Variants in DDX31 observed in about 807,000 individuals in gnomAD.
DDX31 encodes ATP-dependent DNA helicase DDX31.
DDX31 carries 70 observed loss-of-function variants against 91.3 expected under a neutral mutation model. That is an observed-to-expected ratio of 0.77 (90% CI 0.63 to 0.94). DDX31 has a LOEUF of 0.94. Ranked by LOEUF, DDX31 falls within the 40% of genes least tolerant of loss-of-function variation. The pLI is 0.00. For synonymous variants in DDX31, 362 were observed against 350.6 expected, an observed-to-expected ratio of 1.03 and a Z score of -0.36; for missense variants, 902 against 925.0, an observed-to-expected ratio of 0.98 and a Z score of 0.32.
At chr9:132,607,893 G>A (rs769733232) in intron 19 of DDX31, among the ~76,000 whole-genome samples, 2 of 152,122 alleles carry the variant, frequency 1.3e-5, no homozygotes, top group East Asian at 1.9e-4. Context: ...GAGTGGCAGC[G>A]AAATGAGAGA....
At chr9:132,623,128 T>C (rs1342882627) in intron 17 of DDX31, among the ~76,000 whole-genome samples, 1 of 142,606 alleles carries the variant, frequency 7.0e-6, no homozygotes, top group Non-Finnish European at 1.5e-5. Flanking sequence ...AGACTCCATC[T>C]CAAAAAAAAA....
At chr9:132,605,959 T>G (rs1455912308) in intron 19 of DDX31, among the ~76,000 whole-genome samples, 4 of 151,910 alleles carry the variant, frequency 2.6e-5, no homozygotes, top group Non-Finnish European at 5.9e-5. Flanking sequence ...GGAGACTGTT[T>G]CAGAGGTTCG....
intron 14 of DDX31, 132 bp from the exon 15 acceptor site, chr9:132,632,223 G>A (rs896346344): frequency 5.5e-5 from 11 of 199,222 alleles, no homozygotes; most frequent in Middle Eastern, 6.2e-4. Flanking sequence ...GGGCATACAC[G>A]TATATGCCCA....
At chr9:132,614,372 G>C (rs902844903) in intron 18 of DDX31, among the ~76,000 whole-genome samples, 3 of 151,782 alleles carry the variant, frequency 2.0e-5, no homozygotes, top group Non-Finnish European at 2.9e-5. Context: ...GGAGTACACA[G>C]AGCCCCACTA....
intron 18 of DDX31, among the ~76,000 whole-genome samples, chr9:132,614,348 G>T (rs1381232082): frequency 6.6e-6 from 1 of 151,750 alleles, no homozygotes; most frequent in African/African-American, 2.4e-5. Flanking sequence ...CGCTTCAAAT[G>T]GTCTGTACTG....
intron 16 of DDX31, 21 bp from the exon 17 acceptor site, chr9:132,625,766 C>T (rs373900113): frequency 3.1e-5 from 50 of 1,606,412 alleles, no homozygotes; most frequent in Non-Finnish European, 4.2e-5. Flanking sequence ...AAGGGCACAG[C>T]AAGGTAACTT....
At chr9:132,627,203 G>C (rs1328555110) in intron 16 of DDX31, among the ~76,000 whole-genome samples, 1 of 152,202 alleles carries the variant, frequency 6.6e-6, no homozygotes, top group Non-Finnish European at 1.5e-5. Flanking sequence ...TTTGCAGTCA[G>C]GAACAGAAAA....
intron 17 of DDX31, 47 bp downstream of exon 17, chr9:132,625,617 G>C: frequency 6.8e-7 from 1 of 1,460,902 alleles, no homozygotes; most frequent in Non-Finnish European, 9.6e-7. Flanking sequence ...CCCAAATCAA[G>C]TGAGTCACAT....
chr9:132,661,794 C>T (rs971125121), intron 3 of DDX31, among the ~76,000 whole-genome samples: 1 of 152,128 alleles, frequency 6.6e-6, no homozygotes, highest in Non-Finnish European at 1.5e-5. Flanking sequence ...GTAGAACACA[C>T]ACCAAAATAC....
At chr9:132,634,400 A>G (rs1436599019) in intron 14 of DDX31, among the ~76,000 whole-genome samples, 1 of 152,110 alleles carries the variant, frequency 6.6e-6, no homozygotes, top group Non-Finnish European at 1.5e-5. Context: ...ATTTTTCTGA[A>G]CCATCTGAAA....
intron 16 of DDX31, among the ~76,000 whole-genome samples, 200 bp downstream of exon 16, chr9:132,630,064 A>G (rs1398344354): frequency 6.6e-6 from 1 of 152,256 alleles, no homozygotes; most frequent in Non-Finnish European, 1.5e-5. Flanking sequence ...CCTATGACTT[A>G]GTCTGGCAAC....
At chr9:132,628,718 A>C (rs1054463156) in intron 16 of DDX31, among the ~76,000 whole-genome samples, 4 of 152,312 alleles carry the variant, frequency 2.6e-5, no homozygotes, top group Admixed American at 2.0e-4. Flanking sequence ...AGCATGGGGG[A>C]ACATCCAGAG....
At chr9:132,632,275 CACACACACACACACACACACACAG>C (rs1832828791) in intron 14 of DDX31, among the ~76,000 whole-genome samples, 184 bp from the exon 15 acceptor site, 1 of 148,130 alleles carries the variant, frequency 6.8e-6, no homozygotes, top group African/African-American at 2.5e-5. Flanking sequence ...CACACACACA[CACACACACACACACACACACACAG>C]TCCTGCATAC....
intron 6 of DDX31, among the ~76,000 whole-genome samples, chr9:132,657,741 G>A (rs545029400): frequency 3.5e-4 from 54 of 152,196 alleles, no homozygotes; most frequent in Non-Finnish European, 6.6e-4. Context: ...TGAGAATAAC[G>A]AGGCTGTATT....
chr9:132,645,601 G>A (rs1472766600), intron 13 of DDX31, among the ~76,000 whole-genome samples: 1 of 152,156 alleles, frequency 6.6e-6, no homozygotes, highest in Non-Finnish European at 1.5e-5. Context: ...AGCTGGTTGA[G>A]GTAGATTCAG....
Position 132,618,234 on chromosome 9 carries a change from T to A in DDX31, c.1825+96A>T, listed in dbSNP as rs1831767089. On this transcript the variant is annotated intron_variant, in intron 18 of 19. Transcript: ENST00000372159. ...TGGCTGGTGAGCAGGGACCTCCATG[T>A]TGGCCTCTCAACCGGTTTGGGGGTA... 8 of 979,246 alleles carry A rather than the reference T, an allele frequency of 8.2e-6. No homozygotes were observed. The East Asian group carries it at 2.2e-4, about 27-fold the overall frequency. 60.7% of individuals were successfully genotyped at this position (979,246 alleles called of 1,614,324 possible). A position where few individuals can be genotyped will look rare whatever the true frequency, so the allele number is the denominator to read the frequency against.
intron 18 of DDX31, among the ~76,000 whole-genome samples, chr9:132,617,842 A>C: frequency 6.6e-6 from 1 of 152,180 alleles, no homozygotes; most frequent in East Asian, 1.9e-4. Flanking sequence ...TCTCTTTCAT[A>C]AATTTCCTAG....
chr9:132,641,939 C>T (rs186606605), intron 14 of DDX31, 65 bp downstream of exon 14: 9 of 1,535,338 alleles, frequency 5.9e-6, no homozygotes, highest in African/African-American at 4.1e-5. Context: ...TGTCAAGAGA[C>T]GAAAGATTAC....
chr9:132,625,533 T>C, intron 17 of DDX31, 131 bp downstream of exon 17: 1 of 721,604 alleles, frequency 1.4e-6, no homozygotes. Flanking sequence ...TTTGGCCTCA[T>C]CTAATGTTCA....
Sources: allele counts gnomAD v4.1 joint callset (sites outside exome capture counted in the v4.1 genomes callset), GRCh38; gene constraint gnomAD v4.1.1; transcripts MANE v1.5; gene names NCBI Gene and HGNC (gene_info 2026-07-23, HGNC 2026-07-21).